ELFN2: variants seen among roughly 807,000 people sequenced by gnomAD.
The protein encoded by ELFN2 is extracellular leucine rich repeat and fibronectin type III domain containing 2, also known as protein phosphatase 1 regulatory subunit 29.
In ELFN2, 17 loss-of-function variants were observed where a neutral mutation model predicts 45.5. That is an observed-to-expected ratio of 0.37 (90% CI 0.26 to 0.56). The LOEUF (loss-of-function observed/expected upper bound fraction) is 0.56. Among genes scored for constraint, ELFN2 ranks in the 20% least tolerant of loss-of-function variants. The pLI is 0.77. For missense variants in ELFN2, 922 were observed against 1,183.2 expected (o/e 0.78, Z 3.24); for synonymous variants, 550 against 551.5 (o/e 1.00, Z 0.04).
At chr22:37,387,111 G>A (rs978303111) in intron 2 of ELFN2, among the ~76,000 whole-genome samples, 35 of 152,282 alleles carry the variant, frequency 2.3e-4, no homozygotes, top group Non-Finnish European at 4.9e-4. Flanking sequence ...AACCATGACA[G>A]TGAGGAAGGA....
intron 2 of ELFN2, among the ~76,000 whole-genome samples, chr22:37,413,813 C>T (rs978529051): frequency 2.0e-5 from 3 of 152,324 alleles, no homozygotes; most frequent in East Asian, 1.9e-4. Flanking sequence ...AAAAGCTGTT[C>T]GTTATGGCAC....
At chr22:37,386,848 C>A (rs1931960458) in intron 2 of ELFN2, among the ~76,000 whole-genome samples, 1 of 152,186 alleles carries the variant, frequency 6.6e-6, no homozygotes, top group Admixed American at 6.5e-5. Flanking sequence ...CCACATTCAG[C>A]TCGAATCCAG....
In ELFN2 at chr22:37,374,305, G is replaced by A. The variant is rs781453775; in HGVS notation, c.1230C>T (p.Ile410=). 68 of 1,613,778 alleles carry A rather than the reference G, an allele frequency of 4.2e-5. No homozygotes were observed. The highest frequency in any genetic ancestry group is 5.3e-5 in the Non-Finnish European group (62 of 1,179,952). Residue 410 remains isoleucine, a synonymous_variant, in exon 3 of 3, where the codon ATC becomes ATT. Transcript: ENST00000402918. ...TILGCLFGMV[I]VLGAVYYCLR... is the part of the protein sequence containing the mutation. ...GGCAGTAGTACACGGCTCCCAGCACGATAACCATGCCAAAGAGGCAGCCCA... is the reference window on the plus strand; with the variant it reads ...GGCAGTAGTACACGGCTCCCAGCACAATAACCATGCCAAAGAGGCAGCCCA...
At chr22:37,398,927 A>ATTCC (rs1424484354) in intron 2 of ELFN2, among the ~76,000 whole-genome samples, 1 of 151,890 alleles carries the variant, frequency 6.6e-6, no homozygotes, top group African/African-American at 2.4e-5. Flanking sequence ...ACCCCCTGTA[A>ATTCC]TTCCTCAGCT....
At chr22:37,391,044 C>T (rs1265742029) in intron 2 of ELFN2, among the ~76,000 whole-genome samples, 4 of 152,218 alleles carry the variant, frequency 2.6e-5, no homozygotes, top group African/African-American at 9.7e-5. Flanking sequence ...TTCATTCATT[C>T]CCTCTCTCTC....
chr22:37,374,688 C>A lies in ELFN2; in HGVS notation c.847G>T (p.Val283Leu). ...SGFNPDEILS[V>L]EPPASSTTDA... Reference sequence around the variant, plus strand: ...GTGGTGGACGAGGCCGGCGGCTCCACCGAAAGGATCTCGTCGGGGTTGAAG... The same window carrying A: ...GTGGTGGACGAGGCCGGCGGCTCCAACGAAAGGATCTCGTCGGGGTTGAAG... The change falls in exon 3 of 3, where the codon GTG becomes TTG. Residue 283 changes from valine to leucine, a missense_variant. By Grantham distance (32) the Val-to-Leu change is conservative. This residue lies in a region of ELFN2 where 358 missense variants were observed against 540.4 expected (regional missense o/e 0.66). Coordinates refer to ENST00000402918, the MANE Select transcript of ELFN2 (RefSeq NM_052906.5). 1.2e-6 allele frequency: 2 copies of A among 1,611,638 alleles called. No individual in the cohort carries two copies. Among genetic ancestry groups the A allele is most frequent in the Non-Finnish European group, 1.7e-6 (2 of 1,178,008 alleles).
intron 2 of ELFN2, among the ~76,000 whole-genome samples, chr22:37,415,100 C>T (rs563167757): frequency 6.6e-6 from 1 of 152,354 alleles, no homozygotes; most frequent in South Asian, 2.1e-4. Context: ...GTGTTGGGAT[C>T]TCAGCTCAGG....
chr22:37,424,686 G>T lies in ELFN2; in HGVS notation c.-614+2612C>A, dbSNP rs1045977849. ...CTGTAGCCACTGAGGGCGGCGGGGG[G>T]GGGGATGGAATTCACATTAAATCAA... On this transcript the variant is annotated intron_variant, in intron 1 of 2. Transcript: ENST00000402918. Among the ~76,000 whole-genome samples the T allele has an allele frequency of 7.8e-4, 118 of 152,084 alleles. 1 individual carries two copies. Among genetic ancestry groups the T allele is most frequent in the African/African-American group, 2.8e-3 (114 of 41,422 alleles).
chr22:37,374,445 G>A lies in ELFN2; in HGVS notation c.1090C>T (p.Leu364=). The A allele has an allele frequency of 6.2e-7, 1 of 1,614,098 alleles. No homozygotes were observed. The highest frequency in any genetic ancestry group is 8.5e-7 in the Non-Finnish European group (1 of 1,179,966). Residue 364 remains leucine (L), a synonymous_variant, in exon 3 of 3, where the codon CTG becomes TTG. Transcript: ENST00000402918. ...HTEYTFCVTS[L]RNSRRFNHTC... ...TGGTTGAAGCGGCGGCTGTTGCGCAGCGAGGTCACGCAGAAGGTGTACTCA... is the reference window on the plus strand; with the variant it reads ...TGGTTGAAGCGGCGGCTGTTGCGCAACGAGGTCACGCAGAAGGTGTACTCA...
At chr22:37,352,063 A>G (rs1221072399) in intron 1 of ELFN2, 2 of 150,920 alleles carry the variant, frequency 1.3e-5, no homozygotes, top group African/African-American at 4.8e-5. Flanking sequence ...CATCCCAGGT[A>G]GCCCAAGAAG....
chr22:37,409,158 C>T (rs1932583080), intron 2 of ELFN2, among the ~76,000 whole-genome samples: 1 of 152,204 alleles, frequency 6.6e-6, no homozygotes, highest in Non-Finnish European at 1.5e-5. Context: ...GGCCAGGGAC[C>T]AGGCCCCAGA....
chr22:37,367,195 A>C (rs187824527), downstream of ELFN2, among the ~76,000 whole-genome samples: 297 of 152,336 alleles, frequency 1.9e-3, 2 homozygotes, highest in African/African-American at 6.8e-3. Context: ...GGAAGCAAGG[A>C]GGCTGGGGCT....
At position 37,427,289 on chromosome 22, in the gene ELFN2, T is replaced by C. The variant is rs1230760006; in HGVS notation, c.-614+9A>G. 6.6e-6 allele frequency: 1 copy of C among 152,170 alleles called. No individual in the cohort carries two copies. Among genetic ancestry groups the C allele is most frequent in the African/African-American group, 2.4e-5 (1 of 41,352 alleles). The allele number at this position is 152,170 out of a possible 1,614,324, so 9.4% of individuals were successfully genotyped here. On this transcript the variant is annotated intron_variant, in intron 1 of 2. Coordinates refer to ENST00000402918, the MANE Select transcript of ELFN2 (RefSeq NM_052906.5). ...GTCGCGGCGCTCGGATCCAGAGGAA[T>C]TCACTTACCCCAGCCCCAGCCGGGA...
At chr22:37,425,298 A>C (rs957188878) in intron 1 of ELFN2, among the ~76,000 whole-genome samples, 1 of 152,168 alleles carries the variant, frequency 6.6e-6, no homozygotes, top group Non-Finnish European at 1.5e-5. Context: ...AATGGTGCTG[A>C]TGTGAGAACC....
At chr22:37,419,524 C>T (rs1447962506) in intron 1 of ELFN2, among the ~76,000 whole-genome samples, 3 of 152,082 alleles carry the variant, frequency 2.0e-5, no homozygotes, top group African/African-American at 7.2e-5. Context: ...CTCCCCAACA[C>T]GCAGGCCCAC....
intron 2 of ELFN2, among the ~76,000 whole-genome samples, chr22:37,410,989 C>A (rs1422492634): frequency 6.6e-6 from 1 of 152,202 alleles, no homozygotes; most frequent in Non-Finnish European, 1.5e-5. Context: ...CCCCTGAAGC[C>A]TGCCTCCCTG....
chr22:37,405,771 G>C (rs141671101), intron 2 of ELFN2, among the ~76,000 whole-genome samples: 1 of 150,340 alleles, frequency 6.7e-6, no homozygotes, highest in Non-Finnish European at 1.5e-5. Context: ...CGAACTGTGT[G>C]ACCTTGGACA....
intron 2 of ELFN2, among the ~76,000 whole-genome samples, chr22:37,407,486 A>C (rs1349003933): frequency 6.6e-6 from 1 of 152,134 alleles, no homozygotes; most frequent in East Asian, 1.9e-4. Flanking sequence ...AAATCAAGAA[A>C]CAAGTGCCTT....
Position 37,374,317 on chromosome 22 carries a change from A to T in ELFN2, c.1218T>A (p.Phe406Leu). ...HYIMTILGCL[F>L]GMVIVLGAVY... Reference sequence around the variant, plus strand: ...CGGCTCCCAGCACGATAACCATGCCAAAGAGGCAGCCCAGGATGGTCATGA... The same window carrying T: ...CGGCTCCCAGCACGATAACCATGCCTAAGAGGCAGCCCAGGATGGTCATGA... Residue 406 changes from phenylalanine (F) to leucine (L), a missense_variant, in exon 3 of 3, where the codon TTT becomes TTA. Physicochemically the swap from Phe to Leu is conservative, Grantham distance 22 (BLOSUM62 0). This residue lies in a region of ELFN2 where 564 missense variants were observed against 642.8 expected (regional missense o/e 0.88). Transcript: ENST00000402918. The T allele has an allele frequency of 1.2e-6, 2 of 1,613,744 alleles. No homozygotes were observed. Among genetic ancestry groups the T allele is most frequent in the Non-Finnish European group, 1.7e-6 (2 of 1,179,948 alleles).
Sources: gnomAD v4.1 joint callset for allele counts (sites outside exome capture counted in the v4.1 genomes callset) on GRCh38, gnomAD v4.1.1 for gene constraint, gnomAD v4.1.1 regional missense constraint, MANE v1.5 for transcripts, NCBI Gene and HGNC (gene_info 2026-07-23, HGNC 2026-07-21) for gene names.